The following TANC2 variants were observed in gnomAD, a reference collection of about 807,000 sequenced individuals.
TANC2 encodes the protein protein TANC2.
A neutral mutation model predicts 210.5 loss-of-function variants in TANC2; 26 were observed. The observed-to-expected ratio is 0.12, with a 90% CI of 0.09 to 0.17. The LOEUF (loss-of-function observed/expected upper bound fraction) is 0.17, where lower values mean the gene tolerates loss of function less well. Ranked by LOEUF, TANC2 falls within the 10% of genes least tolerant of loss-of-function variation. The pLI is 1.00. For missense variants in TANC2, 2,129 were observed against 2,608.9 expected, an observed-to-expected ratio of 0.82 and a Z score of 4.01; for synonymous variants, 931 against 967.1, an observed-to-expected ratio of 0.96 and a Z score of 0.69.
chr17:63,211,557 C>A (rs925885210), intron 7 of TANC2, among the ~76,000 whole-genome samples: 4 of 152,062 alleles, frequency 2.6e-5, no homozygotes, highest in South Asian at 2.1e-4. Context: ...CACTACTACT[C>A]CTCCCACCTT....
intron 2 of TANC2, among the ~76,000 whole-genome samples, chr17:63,048,830 G>A (rs1243046427): frequency 6.6e-6 from 1 of 152,070 alleles, no homozygotes; most frequent in African/African-American, 2.4e-5. Flanking sequence ...GAGAGGATCA[G>A]AAAAAATAAC....
intron 1 of TANC2, among the ~76,000 whole-genome samples, chr17:62,992,209 T>C (rs2032906729): frequency 6.6e-6 from 1 of 152,180 alleles, no homozygotes; most frequent in African/African-American, 2.4e-5. Flanking sequence ...TGGGGCTGTC[T>C]TAAAATGAAT....
chr17:62,988,511 G>A (rs1266068518), intron 1 of TANC2, among the ~76,000 whole-genome samples: 2 of 151,998 alleles, frequency 1.3e-5, no homozygotes, highest in African/African-American at 4.8e-5. Context: ...ACCATAATGA[G>A]GTTTTCTCTG....
chr17:63,367,021 T>G (rs1423864667), intron 14 of TANC2, among the ~76,000 whole-genome samples: 1 of 152,256 alleles, frequency 6.6e-6, no homozygotes, highest in African/African-American at 2.4e-5. Flanking sequence ...TAACCTATTC[T>G]TAATACTTGA....
At chr17:63,056,695 A>G (rs530798279) in intron 2 of TANC2, among the ~76,000 whole-genome samples, 2 of 152,256 alleles carry the variant, frequency 1.3e-5, no homozygotes, top group African/African-American at 4.8e-5. Context: ...AAAAAAGGCA[A>G]TTAAAACATT....
At chr17:63,125,171 C>G (rs1249270243) in intron 4 of TANC2, 2 of 152,176 alleles carry the variant, frequency 1.3e-5, no homozygotes, top group African/African-American at 4.8e-5. Flanking sequence ...TGACGTTGGG[C>G]AAGTTGTATA....
chr17:63,364,619 C>T (rs143789422), intron 14 of TANC2, among the ~76,000 whole-genome samples: 1 of 152,230 alleles, frequency 6.6e-6, no homozygotes, highest in Non-Finnish European at 1.5e-5. Flanking sequence ...TTAGCGTTTA[C>T]TTATTCATGA....
chr17:63,418,042 G>A lies in TANC2; in HGVS notation c.4168-265G>A, dbSNP rs918272257. ...GGCTTCCGGGCTGAGAACTTTATTA[G>A]AAAGGCAAAAAGAGGGAAAATTAAA... is the stretch of plus-strand genomic sequence containing the variant. On this transcript the variant is annotated intron_variant, in intron 26 of 27. Coordinates refer to ENST00000689528, the Ensembl canonical transcript of TANC2. The surrounding 1 kb of genome is among the most constrained non-coding windows in gnomAD (Gnocchi z 4.6). Among the ~76,000 whole-genome samples, 21 of 152,088 alleles carry A rather than the reference G, an allele frequency of 1.4e-4. No individual in the cohort carries two copies. Among genetic ancestry groups the A allele is most frequent in the African/African-American group, 5.1e-4 (21 of 41,440 alleles).
At chr17:63,308,135 G>A (rs185948083) in intron 9 of TANC2, among the ~76,000 whole-genome samples, 68 of 152,162 alleles carry the variant, frequency 4.5e-4, no homozygotes, top group Admixed American at 3.8e-3. Context: ...ATTTAGTGGG[G>A]GAAGGCCTTT....
At chr17:63,129,885 TTAA>T (rs1384670370) in intron 4 of TANC2, among the ~76,000 whole-genome samples, 3 of 152,100 alleles carry the variant, frequency 2.0e-5, no homozygotes, top group Admixed American at 6.5e-5. Context: ...ATCTTTATTA[TTAA>T]TAATGTAATA....
chr17:63,044,026 T>C (rs2035287751), intron 2 of TANC2, among the ~76,000 whole-genome samples: 1 of 152,170 alleles, frequency 6.6e-6, no homozygotes, highest in Non-Finnish European at 1.5e-5. Context: ...ACTTAAATTA[T>C]TGTGTCTCCA....
chr17:63,245,735 G>A lies in TANC2; in HGVS notation c.1033+7658G>A, dbSNP rs534930924. Among the ~76,000 whole-genome samples, 161 of 151,996 alleles carry A rather than the reference G, an allele frequency of 1.1e-3. 1 individual carries two copies. The highest frequency in any genetic ancestry group is 3.8e-3 in the African/African-American group (159 of 41,434). The stretch of plus-strand genomic sequence containing the variant: ...CAGGGGCCTGTAATCCCAGCTACTC[G>A]GGAGGCTGAGGCACAGAGAATCCCT... On this transcript the variant is annotated intron_variant, in intron 8 of 27. Coordinates refer to ENST00000689528, the Ensembl canonical transcript of TANC2.
At chr17:63,351,508 A>G (rs917081502) in intron 13 of TANC2, 92 bp downstream of exon 13, 8 of 1,038,024 alleles carry the variant, frequency 7.7e-6, no homozygotes, top group Non-Finnish European at 1.1e-5. Flanking sequence ...ATAAACTTCT[A>G]CTATGTCCTA....
At chr17:63,107,795 G>A (rs984039056) in intron 4 of TANC2, among the ~76,000 whole-genome samples, 1 of 151,558 alleles carries the variant, frequency 6.6e-6, no homozygotes, top group Non-Finnish European at 1.5e-5. Flanking sequence ...GTTAATTGGT[G>A]GTTACCTAAG....
intron 2 of TANC2, among the ~76,000 whole-genome samples, chr17:63,067,153 A>G (rs2036229816): frequency 6.6e-6 from 1 of 152,244 alleles, no homozygotes; most frequent in African/African-American, 2.4e-5. Context: ...CAAAACATTC[A>G]TAATGTCCGG....
At chr17:63,255,199 G>A (rs1304114833) in intron 8 of TANC2, among the ~76,000 whole-genome samples, 1 of 151,782 alleles carries the variant, frequency 6.6e-6, no homozygotes, top group Non-Finnish European at 1.5e-5. Flanking sequence ...CCACCTCCCG[G>A]GTTCACACCA....
chr17:63,191,012 C>A (rs1210489699), intron 5 of TANC2, among the ~76,000 whole-genome samples: 1 of 151,992 alleles, frequency 6.6e-6, no homozygotes, highest in Admixed American at 6.6e-5. Context: ...AAAAGGCTAT[C>A]TTTATTCCAC....
chr17:63,303,772 T>G (rs2044802466), intron 9 of TANC2, among the ~76,000 whole-genome samples: 1 of 152,072 alleles, frequency 6.6e-6, no homozygotes, highest in South Asian at 2.1e-4. Context: ...AGTCCCATAT[T>G]TCTTGGAGGT....
intron 7 of TANC2, among the ~76,000 whole-genome samples, chr17:63,236,563 G>A (rs2042626754): frequency 6.6e-6 from 1 of 152,030 alleles, no homozygotes; most frequent in South Asian, 2.1e-4. Flanking sequence ...AAATTGCGTA[G>A]TGGTGAAGTC....
Sources: allele counts gnomAD v4.1 joint callset (sites outside exome capture counted in the v4.1 genomes callset), GRCh38; gene constraint gnomAD v4.1.1; non-coding constraint Gnocchi (gnomAD v3.1); transcripts MANE v1.5; gene names NCBI Gene and HGNC (gene_info 2026-07-23, HGNC 2026-07-21).